The following NOD1 variants were observed in gnomAD, a reference collection of about 807,000 sequenced individuals.
The protein encoded by NOD1 is nucleotide-binding oligomerization domain-containing protein 1.
In NOD1, 70 loss-of-function variants were observed where a neutral mutation model predicts 81.2. The ratio of observed to expected loss-of-function variants is 0.86; its 90% CI spans 0.71 to 1.05. The LOEUF (loss-of-function observed/expected upper bound fraction) is 1.05, where lower values mean the gene tolerates loss of function less well. Among genes scored for constraint, NOD1 ranks in the 50% least tolerant of loss-of-function variants. The probability of loss-of-function intolerance (pLI) is 0.00; values close to 1 mark genes in which losing one functional copy is unlikely to be tolerated. For missense variants in NOD1, 1,233 were observed against 1,228.0 expected (o/e 1.00, Z -0.06); for synonymous variants, 508 against 526.9 (o/e 0.96, Z 0.49).
chr7:30,448,117 A>C (rs1562674340), intron 7 of NOD1, 181 bp downstream of exon 7: 1 of 603,598 alleles, frequency 1.7e-6, no homozygotes, highest in Non-Finnish European at 3.0e-6. Context: ...GCTGAGGCTC[A>C]GCAAGACTTC....
At chr7:30,435,280 C>A (rs973393246) in intron 11 of NOD1, among the ~76,000 whole-genome samples, 4 of 152,126 alleles carry the variant, frequency 2.6e-5, no homozygotes, top group African/African-American at 7.2e-5. Flanking sequence ...AGGCCAAACC[C>A]TGATGTGAAG....
At chr7:30,477,113 A>G (rs1788862416) in intron 1 of NOD1, among the ~76,000 whole-genome samples, 1 of 152,178 alleles carries the variant, frequency 6.6e-6, no homozygotes, top group African/African-American at 2.4e-5. Flanking sequence ...CACAGCATAG[A>G]AGTGACAGAA....
In NOD1 at chr7:30,451,464, C is replaced by T. The variant is rs754683094; in HGVS notation, c.1953G>A (p.Thr651=). 18 of 1,613,344 alleles carry T rather than the reference C, an allele frequency of 1.1e-5. No homozygotes were observed. Among genetic ancestry groups the T allele is most frequent in the Non-Finnish European group, 1.4e-5 (16 of 1,180,004 alleles). ...ESFNQVQAMP[T]FIWMLRCIYE... ...AGATGCAGCGCAGCATCCAGATGAA[C>T]GTGGGCATGGCCTGCACCTGGTTGA... The change falls in exon 6 of 14, where the codon ACG becomes ACA. Residue 651 remains threonine (T), a synonymous_variant. Transcript: ENST00000222823. This position sits in a 1 kb window ranked among gnomAD's most constrained non-coding sequence, Gnocchi z 4.2.
rs114467355 is a variant in NOD1, at chr7:30,455,517, T to C, written c.202-206A>G. On this transcript the variant is annotated intron_variant, in intron 4 of 13. Coordinates refer to ENST00000222823, the MANE Select transcript of NOD1 (RefSeq NM_006092.4). Reference sequence around the variant, plus strand: ...TGAGCAAGAAATAAAACCACTCAGCTCTAAGAAACCAGGAGGCTTCCATGA... The same window carrying C: ...TGAGCAAGAAATAAAACCACTCAGCCCTAAGAAACCAGGAGGCTTCCATGA... Among the ~76,000 whole-genome samples, 178 of 151,574 alleles carry C rather than the reference T, an allele frequency of 1.2e-3. 1 individual carries two copies. The highest frequency in any genetic ancestry group is 4.1e-3 in the African/African-American group (171 of 41,308).
At chr7:30,459,655 C>A (rs1786800675) in intron 2 of NOD1, among the ~76,000 whole-genome samples, 1 of 152,186 alleles carries the variant, frequency 6.6e-6, no homozygotes, top group East Asian at 1.9e-4. Flanking sequence ...AGGGTTGGGG[C>A]CTGTTTTCTC....
intron 1 of NOD1, chr7:30,463,580 C>G (rs1476598206): frequency 6.6e-6 from 1 of 152,548 alleles, no homozygotes; most frequent in Non-Finnish European, 1.5e-5. Flanking sequence ...CCTGGGGTGG[C>G]CCCAGAGAAA....
rs1438883802 is a variant in NOD1, at chr7:30,467,612, A to G, written c.-351-7571T>C. Among the ~76,000 whole-genome samples the G allele has an allele frequency of 6.6e-6, 1 of 152,230 alleles. No homozygotes were observed. Among genetic ancestry groups the G allele is most frequent in the Non-Finnish European group, 1.5e-5 (1 of 68,042 alleles). ...ACTTTCTGTGCACCTGTAAATCAAT[A>G]AAAAGCTCTTCCTGTTTTGTGAAAG... On this transcript the variant is annotated intron_variant, in intron 1 of 13. Coordinates refer to ENST00000222823, the MANE Select transcript of NOD1 (RefSeq NM_006092.4). This position sits in a 1 kb window ranked among gnomAD's most constrained non-coding sequence, Gnocchi z 4.5.
intron 1 of NOD1, among the ~76,000 whole-genome samples, chr7:30,476,165 C>T (rs762351001): frequency 6.6e-6 from 1 of 152,202 alleles, no homozygotes; most frequent in Non-Finnish European, 1.5e-5. Context: ...TTAAATCCTA[C>T]GTTCATATCT....
At chr7:30,439,162 C>A (rs1654689416) in intron 9 of NOD1, among the ~76,000 whole-genome samples, 1 of 152,156 alleles carries the variant, frequency 6.6e-6, no homozygotes, top group South Asian at 2.1e-4. Context: ...CCGTGGAAAA[C>A]AGTATGATGA....
At position 30,435,991 on chromosome 7, in the gene NOD1, C is replaced by T; in HGVS notation, c.2621+7G>A. ...AAACAAACAAATGAAATGACTCGAGCTATTACCACAGTATTTCTAGAGACG... is the reference window on the plus strand; with the variant it reads ...AAACAAACAAATGAAATGACTCGAGTTATTACCACAGTATTTCTAGAGACG... On this transcript the variant is annotated splice_region_variant and intron_variant, in intron 11 of 13. Transcript: ENST00000222823. The T allele has an allele frequency of 6.2e-7, 1 of 1,608,798 alleles. No individual in the cohort carries two copies. Among genetic ancestry groups the T allele is most frequent in the South Asian group, 1.1e-5 (1 of 90,982 alleles).
intron 1 of NOD1, among the ~76,000 whole-genome samples, chr7:30,464,942 G>A (rs1157002011): frequency 4.6e-5 from 7 of 152,144 alleles, no homozygotes; most frequent in African/African-American, 1.4e-4. Context: ...TAGGTGCCAG[G>A]GGTCATTGTT....
At position 30,424,721 on chromosome 7, in the gene NOD1, G is replaced by A. The variant is rs893211207; in HGVS notation, c.*917C>T. The stretch of plus-strand genomic sequence containing the variant: ...GTTTAGTCACCCTTCAGCTGCTTGG[G>A]AGGCAGGAAGAGACTTCCCCTCTTC... On this transcript the variant is annotated 3_prime_UTR_variant, in exon 14 of 14. Coordinates refer to ENST00000222823, the MANE Select transcript of NOD1 (RefSeq NM_006092.4). 6.6e-6 allele frequency: 1 copy of A among 152,148 alleles called. No homozygotes were observed. The highest frequency in any genetic ancestry group is 1.5e-5 in the Non-Finnish European group (1 of 68,076). 9.4% of individuals were successfully genotyped at this position (152,148 alleles called of 1,614,324 possible).
In NOD1 at chr7:30,451,251, C is replaced by T. The variant is rs1284171768; in HGVS notation, c.2166G>A (p.Glu722=). 1.2e-6 allele frequency: 2 copies of T among 1,614,020 alleles called. No individual in the cohort carries two copies. Among genetic ancestry groups the T allele is most frequent in the South Asian group, 2.2e-5 (2 of 91,080 alleles). ...TGAGGCGGCTGAAGCAGGGCTGCAG[C>T]TCCCGCACGCCGTAGTCGTTGAGAT... The part of the protein sequence containing the change: ...NNNLNDYGVR[E]LQPCFSRLTV... The change falls in exon 6 of 14, where the codon GAG becomes GAA. Residue 722 remains glutamate, a synonymous_variant. Transcript: ENST00000222823. This position sits in a 1 kb window ranked among gnomAD's most constrained non-coding sequence, Gnocchi z 4.2.
intron 5 of NOD1, among the ~76,000 whole-genome samples, chr7:30,454,928 C>T (rs1786178145): frequency 6.6e-6 from 1 of 152,210 alleles, no homozygotes; most frequent in Non-Finnish European, 1.5e-5. Context: ...AAAGGCCCCT[C>T]TATAAACCAG....
intron 7 of NOD1, chr7:30,447,467 AT>A (rs1785229708): frequency 4.2e-6 from 1 of 235,874 alleles, no homozygotes; most frequent in African/African-American, 2.3e-5. Flanking sequence ...AAACTTCTCG[AT>A]GTCTACCTTT....
rs2128117436 is a variant in NOD1, at chr7:30,478,043, C to G, written c.-352+563G>C. 6.6e-6 allele frequency among the ~76,000 whole-genome samples: 1 copy of G among 152,250 alleles called. No individual in the cohort carries two copies. Among genetic ancestry groups the G allele is most frequent in the African/African-American group, 2.4e-5 (1 of 41,542 alleles). On this transcript the variant is annotated intron_variant, in intron 1 of 13. Transcript: ENST00000222823. The surrounding 1 kb of genome is among the most constrained non-coding windows in gnomAD (Gnocchi z 4.1). ...GAATGTGATATTCAGGCGACCTTGC[C>G]AAGCATTGTCTCATTTCCTTACTTT... is the stretch of plus-strand genomic sequence containing the variant.
In NOD1 at chr7:30,478,299, G is replaced by C. The variant is rs1298706296; in HGVS notation, c.-352+307C>G. On this transcript the variant is annotated intron_variant, in intron 1 of 13. Transcript: ENST00000222823. The surrounding 1 kb of genome is among the most constrained non-coding windows in gnomAD (Gnocchi z 4.1). ...GAGATTCTGATGGAATTGATCTAGG[G>C]TGCAGCCTGGATATCTGGATTTTAA... 6.6e-6 allele frequency among the ~76,000 whole-genome samples: 1 copy of C among 152,164 alleles called. No individual in the cohort carries two copies. The highest frequency in any genetic ancestry group is 1.5e-5 in the Non-Finnish European group (1 of 68,034).
intron 9 of NOD1, 140 bp downstream of exon 9, chr7:30,446,001 G>C: frequency 2.8e-6 from 2 of 702,032 alleles, no homozygotes; most frequent in East Asian, 5.0e-5. Flanking sequence ...TTCGCAGCAT[G>C]GTGAAAGCTC....
intron 13 of NOD1, among the ~76,000 whole-genome samples, chr7:30,427,481 CCCTGGCAGGG>C (rs1185879220): frequency 6.6e-6 from 1 of 152,200 alleles, no homozygotes; most frequent in Non-Finnish European, 1.5e-5. Flanking sequence ...GTGTGGCAGT[CCCTGGCAGGG>C]CCAACAAAGC....
Sources: allele counts gnomAD v4.1 joint callset (sites outside exome capture counted in the v4.1 genomes callset), GRCh38; gene constraint gnomAD v4.1.1; non-coding constraint Gnocchi (gnomAD v3.1); transcripts MANE v1.5; gene names NCBI Gene and HGNC (gene_info 2026-07-23, HGNC 2026-07-21).